The following WDR49 variants were observed in gnomAD, a reference collection of about 807,000 sequenced individuals.
WDR49 encodes the protein cilia- and flagella-associated protein 337.
Under a neutral mutation model 119.5 loss-of-function variants are expected in WDR49, and 107 were observed. That is an observed-to-expected ratio of 0.90 (90% confidence interval 0.77 to 1.05). The LOEUF is 1.05. Ranked by LOEUF, WDR49 falls within the 50% of genes least tolerant of loss-of-function variation. The pLI, the probability that WDR49 is intolerant of heterozygous loss-of-function variation, is 0.00. For missense variants in WDR49, 1,240 were observed against 1,220.5 expected, an observed-to-expected ratio of 1.02 and a Z score of -0.24; for synonymous variants, 425 against 418.8, an observed-to-expected ratio of 1.01 and a Z score of -0.18.
intron 7 of WDR49, among the ~76,000 whole-genome samples, chr3:167,594,432 G>A (rs1327162914): frequency 1.3e-5 from 2 of 152,126 alleles, no homozygotes; most frequent in African/African-American, 4.8e-5. Context: ...GATACCTGTA[G>A]AAATTTGAAC....
At chr3:167,493,208 G>A (rs1017970910) in intron 18 of WDR49, among the ~76,000 whole-genome samples, 3 of 152,108 alleles carry the variant, frequency 2.0e-5, no homozygotes, top group Non-Finnish European at 4.4e-5. Flanking sequence ...CCAAGCTCTC[G>A]CAGTGATTTT....
chr3:167,562,540 T>C (rs1004025003), intron 8 of WDR49, among the ~76,000 whole-genome samples: 1 of 152,232 alleles, frequency 6.6e-6, no homozygotes, highest in African/African-American at 2.4e-5. Flanking sequence ...TTACCTTAAA[T>C]ATTGAATTAC....
chr3:167,495,606 C>T (rs1751324091), intron 18 of WDR49, among the ~76,000 whole-genome samples: 2 of 150,774 alleles, frequency 1.3e-5, no homozygotes, highest in Admixed American at 1.3e-4. Context: ...CAGAAGAGAG[C>T]AGGAATGAGA....
chr3:167,652,199 A>C (rs1484062772), intron 2 of WDR49, among the ~76,000 whole-genome samples: 1 of 152,202 alleles, frequency 6.6e-6, no homozygotes, highest in African/African-American at 2.4e-5. Flanking sequence ...TTGCTACTAA[A>C]TATGATAAGT....
At chr3:167,502,947 G>A (rs113452882) in intron 17 of WDR49, among the ~76,000 whole-genome samples, 50 of 152,334 alleles carry the variant, frequency 3.3e-4, no homozygotes, top group African/African-American at 1.2e-3. Context: ...TTGCTAAAGA[G>A]ATCTGTATAA....
chr3:167,628,672 C>A (rs907785498), intron 2 of WDR49, among the ~76,000 whole-genome samples: 3 of 152,104 alleles, frequency 2.0e-5, no homozygotes, highest in African/African-American at 7.2e-5. Flanking sequence ...AAAAGTGCAA[C>A]ATGAAGCAGA....
chr3:167,540,143 C>T (rs570750941), intron 10 of WDR49, among the ~76,000 whole-genome samples: 2 of 152,290 alleles, frequency 1.3e-5, no homozygotes, highest in East Asian at 3.9e-4. Flanking sequence ...AAGGAGAAAA[C>T]AACAGCTAAT....
At chr3:167,570,508 A>C (rs530558671) in intron 8 of WDR49, among the ~76,000 whole-genome samples, 1 of 152,228 alleles carries the variant, frequency 6.6e-6, no homozygotes, top group Non-Finnish European at 1.5e-5. Context: ...ATATGTATAC[A>C]TAGAGCTGTT....
intron 10 of WDR49, among the ~76,000 whole-genome samples, chr3:167,548,547 G>A (rs1341821587): frequency 1.3e-5 from 2 of 151,880 alleles, no homozygotes; most frequent in Non-Finnish European, 2.9e-5. Flanking sequence ...CTCTTAAGTA[G>A]TCTATTTTAT....
At chr3:167,535,612 A>T (rs964042570) in intron 11 of WDR49, among the ~76,000 whole-genome samples, 1 of 152,118 alleles carries the variant, frequency 6.6e-6, no homozygotes, top group African/African-American at 2.4e-5. Flanking sequence ...ATTGGTGAAG[A>T]TATGGGGCAG....
chr3:167,546,277 T>G (rs1560279310), intron 10 of WDR49, among the ~76,000 whole-genome samples: 1 of 152,014 alleles, frequency 6.6e-6, no homozygotes, highest in Admixed American at 6.6e-5. Flanking sequence ...ATATTTGACC[T>G]TGTGTGTCAA....
intron 18 of WDR49, among the ~76,000 whole-genome samples, chr3:167,492,018 T>C (rs1275529946): frequency 6.6e-6 from 1 of 152,128 alleles, no homozygotes; most frequent in African/African-American, 2.4e-5. Context: ...CCTCTCATTG[T>C]ACAACTGCCA....
intron 15 of WDR49, among the ~76,000 whole-genome samples, chr3:167,527,463 A>T (rs551668012): frequency 5.9e-5 from 9 of 152,226 alleles, no homozygotes; most frequent in African/African-American, 2.2e-4. Context: ...CTTAGTTAAC[A>T]GTCATAATCA....
intron 2 of WDR49, among the ~76,000 whole-genome samples, chr3:167,643,551 T>C (rs1001809005): frequency 2.6e-5 from 4 of 152,122 alleles, no homozygotes; most frequent in Non-Finnish European, 5.9e-5. Flanking sequence ...AAGACATTAC[T>C]GGGACGAAAG....
chr3:167,558,423 A>C (rs1359024174), intron 9 of WDR49, among the ~76,000 whole-genome samples: 1 of 152,190 alleles, frequency 6.6e-6, no homozygotes, highest in African/African-American at 2.4e-5. Context: ...TTCTTCATAG[A>C]ATATGGTCAG....
chr3:167,615,042 G>A (rs915895613), intron 5 of WDR49, among the ~76,000 whole-genome samples: 3 of 152,130 alleles, frequency 2.0e-5, no homozygotes, highest in African/African-American at 7.2e-5. Flanking sequence ...CAGTCTTCCT[G>A]TCTTTTCTCG....
At chr3:167,495,202 A>G (rs1033922532) in intron 18 of WDR49, among the ~76,000 whole-genome samples, 1 of 152,150 alleles carries the variant, frequency 6.6e-6, no homozygotes, top group Admixed American at 6.6e-5. Flanking sequence ...CAGATTTTGG[A>G]GTTAGTCAAC....
At chr3:167,552,026 G>A (rs1712603637) in intron 10 of WDR49, among the ~76,000 whole-genome samples, 1 of 151,726 alleles carries the variant, frequency 6.6e-6, no homozygotes, top group African/African-American at 2.4e-5. Context: ...ATTTTGAGAG[G>A]GATTTCTAGA....
chr3:167,638,961 T>A (rs914192286), intron 2 of WDR49, among the ~76,000 whole-genome samples: 3 of 151,668 alleles, frequency 2.0e-5, no homozygotes, highest in Non-Finnish European at 4.4e-5. Flanking sequence ...AATCAATAAA[T>A]CTTTCTCTTT....
Sources: gnomAD v4.1 joint callset for allele counts (sites outside exome capture counted in the v4.1 genomes callset) on GRCh38, gnomAD v4.1.1 for gene constraint, MANE v1.5 for transcripts, NCBI Gene and HGNC (gene_info 2026-07-23, HGNC 2026-07-21) for gene names.